Variants in ZNF578 observed in about 807,000 individuals in gnomAD.
ZNF578 encodes zinc finger protein 578, also known as Putative chemokine-related protein B42.
ZNF578 carries 8 observed loss-of-function variants against 8.3 expected under a neutral mutation model. The observed-to-expected ratio is 0.96, with a 90% confidence interval of 0.56 to 1.74. The LOEUF (loss-of-function observed/expected upper bound fraction) is 1.74. ZNF578 is among the 40% of genes most tolerant of loss of function. The pLI is 0.00. For synonymous variants in ZNF578, 206 were observed against 232.2 expected, an observed-to-expected ratio of 0.89 and a Z score of 1.03; for missense variants, 726 against 707.5, an observed-to-expected ratio of 1.03 and a Z score of -0.30.
At chr19:52,457,030 A>G (rs2059241786) in intron 2 of ZNF578, 72 bp downstream of exon 2, 1 of 152,664 alleles carries the variant, frequency 6.6e-6, no homozygotes, top group Admixed American at 6.6e-5. Flanking sequence ...GTGTTATGAT[A>G]TATATTGGTT....
At chr19:52,510,075 A>C (rs2059439158) in intron 5 of ZNF578, among the ~76,000 whole-genome samples, 1 of 151,792 alleles carries the variant, frequency 6.6e-6, no homozygotes, top group Non-Finnish European at 1.5e-5. Context: ...TTATCTTCTC[A>C]GTGCTATAAT....
chr19:52,463,954 A>G (rs1027606455), intron 2 of ZNF578, among the ~76,000 whole-genome samples: 1 of 152,228 alleles, frequency 6.6e-6, no homozygotes, highest in African/African-American at 2.4e-5. Flanking sequence ...ATGATTATCA[A>G]TACATCCAAC....
chr19:52,496,863 C>T (rs2059388693), intron 3 of ZNF578, among the ~76,000 whole-genome samples: 1 of 151,524 alleles, frequency 6.6e-6, no homozygotes, highest in African/African-American at 2.4e-5. Context: ...TCTTGAACAC[C>T]TGACCTCAGG....
chr19:52,479,685 TG>T (rs2059319423), intron 2 of ZNF578, among the ~76,000 whole-genome samples: 1 of 152,186 alleles, frequency 6.6e-6, no homozygotes. Context: ...TAAGATAGTT[TG>T]AGAGCATATG....
intron 2 of ZNF578, among the ~76,000 whole-genome samples, chr19:52,476,361 CTG>C (rs1472886027): frequency 6.6e-6 from 1 of 152,158 alleles, no homozygotes; most frequent in Non-Finnish European, 1.5e-5. Flanking sequence ...TTTGTTTCTC[CTG>C]TGTTAGGGGC....
At chr19:52,509,865 T>G (rs1366805045) in intron 5 of ZNF578, among the ~76,000 whole-genome samples, 1 of 151,970 alleles carries the variant, frequency 6.6e-6, no homozygotes, top group Non-Finnish European at 1.5e-5. Flanking sequence ...TGTATTAACT[T>G]TTTTTTTCTT....
rs1555751349 is a variant in ZNF578, at chr19:52,459,769, A to ATATATAT, written c.-122+2812_-122+2813insATATATT. Among the ~76,000 whole-genome samples the ATATATAT allele has an allele frequency of 2.6e-3, 45 of 17,616 alleles. 2 individuals carry two copies. The highest frequency in any genetic ancestry group is 3.4e-3 in the Non-Finnish European group (34 of 10,082). 11.6% of individuals were successfully genotyped at this position (17,616 alleles called of 152,430 possible). ...TGTGTGTGTATATATATATATATAT[A>ATATATAT]TTTTTTTTTTTTTTTTTTTTTTTTG... On this transcript the variant is annotated intron_variant, in intron 2 of 5. Transcript: ENST00000421239.
At chr19:52,492,901 C>A (rs1350745603) in intron 3 of ZNF578, 2 of 152,290 alleles carry the variant, frequency 1.3e-5, no homozygotes, top group Non-Finnish European at 2.9e-5. Context: ...TCTGCGCTTC[C>A]CAGGTCCCCG....
rs544386473 is a variant in ZNF578 at position 52,515,348 on chromosome 19, G to T, written c.*3194G>T. Among the ~76,000 whole-genome samples the T allele has an allele frequency of 6.6e-6, 1 of 152,164 alleles. No homozygotes were observed. Among genetic ancestry groups the T allele is most frequent in the African/African-American group, 2.4e-5 (1 of 41,424 alleles). On this transcript the variant is annotated 3_prime_UTR_variant, in exon 6 of 6. Coordinates refer to ENST00000421239, the MANE Select transcript of ZNF578 (RefSeq NM_001099694.2). Reference sequence around the variant, plus strand: ...TTCACTGTTTCCAAGGTCAATAGCTGTGTGTTCACACTTCTGCATTTTATA... The same window carrying T: ...TTCACTGTTTCCAAGGTCAATAGCTTTGTGTTCACACTTCTGCATTTTATA...
chr19:52,501,787 T>C (rs1354788406), intron 3 of ZNF578, 40 bp from the exon 4 acceptor site: 3 of 1,599,016 alleles, frequency 1.9e-6, no homozygotes, highest in African/African-American at 2.7e-5. Context: ...AGGGAGTGAG[T>C]CATATCTAAC....
At chr19:52,493,634 G>A (rs569552249) in intron 3 of ZNF578, among the ~76,000 whole-genome samples, 1 of 152,204 alleles carries the variant, frequency 6.6e-6, no homozygotes, top group Non-Finnish European at 1.5e-5. Flanking sequence ...GAGACGCAGA[G>A]ATAAGAGGCG....
In ZNF578 at chr19:52,512,422, T is replaced by G. The variant is rs1261388102; in HGVS notation, c.*268T>G. The G allele has an allele frequency of 3.5e-6, 5 of 1,445,926 alleles. No homozygotes were observed. The highest frequency in any genetic ancestry group is 4.8e-6 in the Non-Finnish European group (5 of 1,032,406). 89.6% of individuals were successfully genotyped at this position (1,445,926 alleles called of 1,614,324 possible). On this transcript the variant is annotated 3_prime_UTR_variant, in exon 6 of 6. Coordinates refer to ENST00000421239, the MANE Select transcript of ZNF578 (RefSeq NM_001099694.2). Reference sequence around the variant, plus strand: ...TTGGAGAATCCATAATGAAGAGAGATCTTCCGAGTGTAATAAATGTGGCAA... The same window carrying G: ...TTGGAGAATCCATAATGAAGAGAGAGCTTCCGAGTGTAATAAATGTGGCAA...
intron 5 of ZNF578, among the ~76,000 whole-genome samples, chr19:52,506,462 CTTTTTTTTTTTTTT>C (rs35676968): frequency 0.025 from 2,677 of 109,216 alleles, 94 homozygotes; most frequent in African/African-American, 0.083. Flanking sequence ...AGTACAGTTT[CTTTTTTTTTTTTTT>C]TTTTTTTTTA....
intron 3 of ZNF578, among the ~76,000 whole-genome samples, chr19:52,497,619 G>GAAC (rs2059391607): frequency 6.6e-6 from 1 of 152,118 alleles, no homozygotes; most frequent in Non-Finnish European, 1.5e-5. Context: ...TTGTTTCTCT[G>GAAC]TGAAATTGTG....
chr19:52,512,519 A>G lies in ZNF578; in HGVS notation c.*365A>G, dbSNP rs551983650. On this transcript the variant is annotated 3_prime_UTR_variant, in exon 6 of 6. Coordinates refer to ENST00000421239, the MANE Select transcript of ZNF578 (RefSeq NM_001099694.2). ...ACTGGAGAGAAACCTTACAAATGTC[A>G]TGACTGTGGCAAGGTCTTCAGTCAA... Among the ~76,000 whole-genome samples, 1 of 152,354 alleles carries G rather than the reference A, an allele frequency of 6.6e-6. No homozygotes were observed. The highest frequency in any genetic ancestry group is 2.4e-5 in the African/African-American group (1 of 41,576).
intron 2 of ZNF578, among the ~76,000 whole-genome samples, chr19:52,480,722 C>T (rs766226002): frequency 2.0e-5 from 3 of 151,560 alleles, no homozygotes; most frequent in Non-Finnish European, 4.4e-5. Flanking sequence ...ATGGTGAAAC[C>T]CCGTCTCTAC....
At chr19:52,508,135 A>G (rs1481700861) in intron 5 of ZNF578, among the ~76,000 whole-genome samples, 1 of 151,682 alleles carries the variant, frequency 6.6e-6, no homozygotes, top group African/African-American at 2.4e-5. Flanking sequence ...TCACGAAGTC[A>G]AAAGATCGAG....
chr19:52,479,720 G>C (rs2059319507), intron 2 of ZNF578, among the ~76,000 whole-genome samples: 1 of 152,036 alleles, frequency 6.6e-6, no homozygotes, highest in Admixed American at 6.6e-5. Flanking sequence ...TATTTGAAGG[G>C]TTAGTTGGAA....
chr19:52,505,133 C>A (rs2059421099), intron 5 of ZNF578, among the ~76,000 whole-genome samples: 3 of 152,198 alleles, frequency 2.0e-5, no homozygotes, highest in African/African-American at 7.2e-5. Flanking sequence ...GTGATCCGCC[C>A]ACCTTGGCCT....
Sources: gnomAD v4.1 joint callset for allele counts (sites outside exome capture counted in the v4.1 genomes callset) on GRCh38, gnomAD v4.1.1 for gene constraint, MANE v1.5 for transcripts, NCBI Gene and HGNC (gene_info 2026-07-23, HGNC 2026-07-21) for gene names.